The following ZNF536 variants were observed in gnomAD, a reference collection of about 807,000 sequenced individuals.
ZNF536 encodes the protein zinc finger protein 536.
A neutral mutation model predicts 84.5 loss-of-function variants in ZNF536; 13 were observed. That is an observed-to-expected ratio of 0.15 (90% CI 0.10 to 0.24). The LOEUF (loss-of-function observed/expected upper bound fraction) is 0.24. ZNF536 is among the 10% of genes least tolerant of loss of function. The pLI, the probability that ZNF536 is intolerant of heterozygous loss-of-function variation, is 1.00. For missense variants in ZNF536, 1,536 were observed against 1,747.5 expected, an observed-to-expected ratio of 0.88 and a Z score of 2.16; for synonymous variants, 811 against 742.5, an observed-to-expected ratio of 1.09 and a Z score of -1.50.
At chr19:30,368,650 T>G (rs963086271), upstream of ZNF536, among the ~76,000 whole-genome samples, 6 of 152,252 alleles carry the variant, frequency 3.9e-5, no homozygotes, top group African/African-American at 1.4e-4. Flanking sequence ...GACCCTTACA[T>G]ATCTTTGCTT....
At chr19:30,402,796 A>ATATATATCTATATATATATAT (rs1555744993) in intron 1 of ZNF536, among the ~76,000 whole-genome samples, 7 of 85,610 alleles carry the variant, frequency 8.2e-5, no homozygotes. Context: ...AAAATTAAAA[A>ATATATATCTATATATATATAT]ATATATATAT....
intron 1 of ZNF536, among the ~76,000 whole-genome samples, chr19:30,421,919 C>T (rs1480501009): frequency 2.0e-5 from 3 of 152,080 alleles, no homozygotes; most frequent in Admixed American, 6.6e-5. Flanking sequence ...TTATAATTAC[C>T]TTTAATTTAG....
intron 1 of ZNF536, among the ~76,000 whole-genome samples, chr19:30,675,854 T>C (rs1014942579): frequency 2.6e-5 from 4 of 152,138 alleles, no homozygotes; most frequent in African/African-American, 9.7e-5. Flanking sequence ...AATGCACTCT[T>C]GCTTTTTTAT....
In ZNF536 at chr19:30,508,914, A is replaced by G. The variant is rs148028180; in HGVS notation, c.2171-25933A>G. ...ATGATCATGGCTCACTGCAGCCTTG[A>G]CCTCCTGGGCTCAAGCAATCCTCCC... On this transcript the variant is annotated intron_variant, in intron 2 of 4. Coordinates refer to ENST00000355537, the MANE Select transcript of ZNF536 (RefSeq NM_014717.3). 3.8e-3 allele frequency among the ~76,000 whole-genome samples: 507 copies of G among 132,046 alleles called. 2 individuals carry two copies. The highest frequency in any genetic ancestry group is 0.014 in the African/African-American group (476 of 33,946). The allele number at this position is 132,046 out of a possible 152,430, so 86.6% of individuals were successfully genotyped here. A position where few individuals can be genotyped will look rare whatever the true frequency, so the allele number is the denominator to read the frequency against.
chr19:30,603,827 T>C (rs2146957974), intron 1 of ZNF536, among the ~76,000 whole-genome samples: 1 of 152,282 alleles, frequency 6.6e-6, no homozygotes, highest in Non-Finnish European at 1.5e-5. Context: ...CGGTGGCTCA[T>C]GCCTGTAATC....
chr19:30,611,468 C>T (rs1288575747), intron 1 of ZNF536, among the ~76,000 whole-genome samples: 2 of 152,216 alleles, frequency 1.3e-5, no homozygotes, highest in Non-Finnish European at 2.9e-5. Context: ...AAAAGGTGTT[C>T]TTCCTAATAT....
chr19:30,283,145 C>G (rs191615676), intron 1 of ZNF536, among the ~76,000 whole-genome samples: 1 of 152,268 alleles, frequency 6.6e-6, no homozygotes, highest in Admixed American at 6.5e-5. Context: ...GAATCCATAG[C>G]GAAATTCTAC....
At chr19:30,460,215 A>T (rs1296126257) in intron 2 of ZNF536, among the ~76,000 whole-genome samples, 1 of 152,182 alleles carries the variant, frequency 6.6e-6, no homozygotes, top group African/African-American at 2.4e-5. Flanking sequence ...CACTTGGTTC[A>T]TGGCAAGGAA....
intron 2 of ZNF536, among the ~76,000 whole-genome samples, chr19:30,530,372 G>T (rs1157764349): frequency 2.0e-5 from 3 of 149,636 alleles, no homozygotes; most frequent in Non-Finnish European, 4.4e-5. Context: ...TTGAGATGGA[G>T]TTTCGCTCTT....
chr19:30,662,538 G>A (rs982632101), intron 1 of ZNF536, among the ~76,000 whole-genome samples: 1 of 145,320 alleles, frequency 6.9e-6, no homozygotes, highest in Non-Finnish European at 1.5e-5. Context: ...TCCCGCAGAT[G>A]GGGGGGGATA....
chr19:30,475,791 G>T (rs1462487853), intron 2 of ZNF536, among the ~76,000 whole-genome samples: 2 of 152,104 alleles, frequency 1.3e-5, no homozygotes, highest in South Asian at 2.1e-4. Flanking sequence ...AGGACCAGCC[G>T]CTCCTGGAAT....
At chr19:30,240,468 G>A (rs7255604) in intron 1 of ZNF536, among the ~76,000 whole-genome samples, 14,281 of 152,226 alleles carry the variant, frequency 0.094, 1,570 homozygotes, top group East Asian at 0.46. Flanking sequence ...AATAGGTTGA[G>A]GGGTATCTGG....
chr19:30,239,853 C>T (rs1490192720), intron 1 of ZNF536, among the ~76,000 whole-genome samples: 1 of 152,146 alleles, frequency 6.6e-6, no homozygotes, highest in African/African-American at 2.4e-5. Flanking sequence ...TATTTGAACA[C>T]CTATCCATGC....
intron 2 of ZNF536, among the ~76,000 whole-genome samples, chr19:30,453,737 G>T (rs1400696730): frequency 2.0e-5 from 3 of 152,252 alleles, no homozygotes; most frequent in Admixed American, 1.3e-4. Context: ...GCTACCTGAT[G>T]GGTGGGCCTG....
chr19:30,642,872 G>T (rs941552962), intron 1 of ZNF536, among the ~76,000 whole-genome samples: 2 of 152,132 alleles, frequency 1.3e-5, no homozygotes, highest in African/African-American at 2.4e-5. Context: ...GAGGCTGTGT[G>T]GGGGGTGAGA....
intron 3 of ZNF536, among the ~76,000 whole-genome samples, chr19:30,547,425 G>A (rs1440369671): frequency 6.6e-6 from 1 of 152,168 alleles, no homozygotes; most frequent in African/African-American, 2.4e-5. Context: ...TATGCCATTT[G>A]CTAATTATAT....
intron 2 of ZNF536, among the ~76,000 whole-genome samples, chr19:30,500,143 G>A (rs1324571334): frequency 6.6e-6 from 1 of 152,228 alleles, no homozygotes; most frequent in Non-Finnish European, 1.5e-5. Flanking sequence ...ATGGGCTTGA[G>A]TTCCAACTGA....
rs1232729557 is a variant in ZNF536 at position 30,548,066 on chromosome 19, C to T, written c.2447C>T (p.Pro816Leu). The change falls in exon 4 of 5, where the codon CCC becomes CTC. Residue 816 changes from proline (P) to leucine (L), a missense_variant. Transcript: ENST00000355537. ...QNGAGPLSGQPPNQDHKDEMS... is the reference protein window; with the variant it reads ...QNGAGPLSGQLPNQDHKDEMS... ...GGGGCTGGGCCGCTGTCTGGGCAAC[C>T]CCCAAATCAAGACCACAAGGATGAG... The T allele has an allele frequency of 6.2e-7, 1 of 1,614,102 alleles. No individual in the cohort carries two copies. Among genetic ancestry groups the T allele is most frequent in the Non-Finnish European group, 8.5e-7 (1 of 1,180,020 alleles).
chr19:30,575,487 G>A (rs946561730), intron 1 of ZNF536, among the ~76,000 whole-genome samples: 3 of 152,250 alleles, frequency 2.0e-5, no homozygotes, highest in African/African-American at 4.8e-5. Flanking sequence ...GAGACTGAGG[G>A]AGTAGCGACA....
Sources: allele counts gnomAD v4.1 joint callset (sites outside exome capture counted in the v4.1 genomes callset), GRCh38; gene constraint gnomAD v4.1.1; transcripts MANE v1.5; gene names NCBI Gene and HGNC (gene_info 2026-07-23, HGNC 2026-07-21).